The following PILRA variants were observed in gnomAD, a reference collection of about 807,000 sequenced individuals.
PILRA encodes the protein paired immunoglobin like type 2 receptor alpha, also known as paired immunoglobulin-like type 2 receptor alpha.
Under a neutral mutation model 33.1 loss-of-function variants are expected in PILRA, and 37 were observed. The observed-to-expected ratio is 1.12, with a 90% CI of 0.86 to 1.47. The LOEUF (loss-of-function observed/expected upper bound fraction) is 1.47, where lower values mean the gene tolerates loss of function less well. Ranked by LOEUF, PILRA falls within the 40% of genes most tolerant of loss-of-function variation. The pLI, the probability that PILRA is intolerant of heterozygous loss-of-function variation, is 0.00. For synonymous variants in PILRA, 146 were observed against 149.9 expected, an observed-to-expected ratio of 0.97 and a Z score of 0.19; for missense variants, 312 against 376.2, an observed-to-expected ratio of 0.83 and a Z score of 1.41.
At chr7:100,379,668 C>CAAAAAAAAAAAAAAAAAAA (rs57322009) in intron 2 of PILRA, among the ~76,000 whole-genome samples, 1 of 69,050 alleles carries the variant, frequency 1.4e-5, no homozygotes, top group African/African-American at 5.6e-5. Flanking sequence ...ACTCTGTCTC[C>CAAAAAAAAAAAAAAAAAAA]AAAAAAAAAA....
intron 2 of PILRA, among the ~76,000 whole-genome samples, chr7:100,377,909 G>A (rs937113703): frequency 1.3e-5 from 2 of 151,950 alleles, no homozygotes; most frequent in African/African-American, 4.8e-5. Flanking sequence ...AATTATTTTT[G>A]TAGAAAAGCA....
intron 2 of PILRA, among the ~76,000 whole-genome samples, chr7:100,381,444 C>CAAAAA (rs60123996): frequency 2.4e-5 from 2 of 82,074 alleles, no homozygotes; most frequent in African/African-American, 4.7e-5. Context: ...GATCCTGACT[C>CAAAAA]AAAAAAAAAA....
rs776317959 is a variant in PILRA, at chr7:100,373,633, C to T, written c.-24C>T. On this transcript the variant is annotated 5_prime_UTR_variant, in exon 1 of 7. Coordinates refer to ENST00000198536, the MANE Select transcript of PILRA (RefSeq NM_013439.3). The stretch of plus-strand genomic sequence containing the variant: ...GCCTGGACGGCTCTGCTGGTCTCCC[C>T]GTCCCCTGGAGAAGAACAAGGCCAT... The T allele has an allele frequency of 9.9e-6, 16 of 1,613,168 alleles. No homozygotes were observed. Among genetic ancestry groups the T allele is most frequent in the Middle Eastern group, 1.6e-4 (1 of 6,068 alleles).
At chr7:100,396,680 A>C (rs994399370) in intron 3 of PILRA, among the ~76,000 whole-genome samples, 2 of 152,232 alleles carry the variant, frequency 1.3e-5, no homozygotes, top group Middle Eastern at 3.4e-3. Context: ...AGAAATTCTG[A>C]CACATACTAC....
rs146795130 is a variant in PILRA, at chr7:100,391,544, G to A, written c.673+1438G>A. Among the ~76,000 whole-genome samples the A allele has an allele frequency of 4.6e-3, 695 of 152,192 alleles. 5 individuals are homozygous for A. The highest frequency in any genetic ancestry group is 0.016 in the African/African-American group (656 of 41,500). Reference sequence around the variant, plus strand: ...TCTACAGAAAATACAAAAATTAGCTGGGTGTGGTGGCGTGCGCCTGTGGTC... The same window carrying A: ...TCTACAGAAAATACAAAAATTAGCTAGGTGTGGTGGCGTGCGCCTGTGGTC... On this transcript the variant is annotated intron_variant, in intron 3 of 6. Transcript: ENST00000198536.
At chr7:100,383,435 TA>T (rs1217777806) in intron 2 of PILRA, among the ~76,000 whole-genome samples, 10 of 151,846 alleles carry the variant, frequency 6.6e-5, no homozygotes, top group African/African-American at 2.4e-4. Flanking sequence ...TGGTAGAACG[TA>T]ATGGGGAGGT....
At chr7:100,371,575 C>A (rs186941784), upstream of PILRA, among the ~76,000 whole-genome samples, 1 of 152,090 alleles carries the variant, frequency 6.6e-6, no homozygotes, top group South Asian at 2.1e-4. Flanking sequence ...TCTCATAATG[C>A]GGTGCAGGGT....
chr7:100,394,823 T>C (rs1009841906), intron 3 of PILRA, among the ~76,000 whole-genome samples: 3 of 152,046 alleles, frequency 2.0e-5, no homozygotes, highest in East Asian at 1.9e-4. Context: ...TTATACCATA[T>C]ACAAAATTTA....
chr7:100,372,253 G>A (rs1790832942), upstream of PILRA, among the ~76,000 whole-genome samples: 1 of 151,870 alleles, frequency 6.6e-6, no homozygotes, highest in Admixed American at 6.6e-5. Context: ...TCAGACGGAG[G>A]GGTTTCCTGA....
intron 3 of PILRA, among the ~76,000 whole-genome samples, chr7:100,393,758 C>T (rs147109033): frequency 9.2e-5 from 14 of 152,016 alleles, no homozygotes; most frequent in East Asian, 7.7e-4. Context: ...TAGCCCAAGA[C>T]GGCTGCAAGG....
intron 2 of PILRA, among the ~76,000 whole-genome samples, chr7:100,381,822 A>C (rs1791103545): frequency 6.6e-6 from 1 of 152,142 alleles, no homozygotes; most frequent in South Asian, 2.1e-4. Context: ...CCGCACTCGG[A>C]GTGGCCGGCC....
intron 3 of PILRA, among the ~76,000 whole-genome samples, chr7:100,396,124 AAAATAAATAAAT>A (rs376347557): frequency 6.6e-6 from 1 of 151,860 alleles, no homozygotes; most frequent in African/African-American, 2.4e-5. Context: ...ACTTCATCTC[AAAATAAATAAAT>A]AAATAAATAA....
At chr7:100,386,222 T>A (rs1022119866) in intron 2 of PILRA, among the ~76,000 whole-genome samples, 2 of 152,116 alleles carry the variant, frequency 1.3e-5, no homozygotes, top group African/African-American at 4.8e-5. Context: ...TTTAAAAAAA[T>A]TTTTTAGCTG....
At chr7:100,386,513 C>A (rs917712868) in intron 2 of PILRA, among the ~76,000 whole-genome samples, 19 of 151,106 alleles carry the variant, frequency 1.3e-4, no homozygotes, top group African/African-American at 3.2e-4. Flanking sequence ...AAAAAAAAAA[C>A]AAAACACAAA....
chr7:100,399,712 T>A, intron 6 of PILRA, 73 bp from the exon 7 acceptor site: 1 of 1,611,914 alleles, frequency 6.2e-7, no homozygotes, highest in Non-Finnish European at 8.5e-7. Context: ...AGAGTCAAAC[T>A]GTAGGCTTGC....
chr7:100,377,938 AT>A (rs1488247908), intron 2 of PILRA, among the ~76,000 whole-genome samples: 2 of 152,138 alleles, frequency 1.3e-5, no homozygotes. Context: ...TGGTCAGTCG[AT>A]TCTGTTTCAC....
At chr7:100,377,807 G>C (rs1339687070) in intron 2 of PILRA, among the ~76,000 whole-genome samples, 2 of 152,084 alleles carry the variant, frequency 1.3e-5, no homozygotes, top group East Asian at 3.9e-4. Context: ...CAACTAAATT[G>C]ATCTTTATAT....
At chr7:100,378,208 C>T (rs558727692) in intron 2 of PILRA, among the ~76,000 whole-genome samples, 1 of 151,696 alleles carries the variant, frequency 6.6e-6, no homozygotes, top group Non-Finnish European at 1.5e-5. Flanking sequence ...AAAAATTAGC[C>T]AGTTGTGGTA....
chr7:100,388,053 A>G (rs545473993), intron 2 of PILRA, among the ~76,000 whole-genome samples: 5 of 152,318 alleles, frequency 3.3e-5, no homozygotes, highest in African/African-American at 1.2e-4. Flanking sequence ...TTTAGCTTAG[A>G]GTGTTGCTTT....
Sources: allele counts gnomAD v4.1 joint callset (sites outside exome capture counted in the v4.1 genomes callset), GRCh38; gene constraint gnomAD v4.1.1; transcripts MANE v1.5; gene names NCBI Gene and HGNC (gene_info 2026-07-23, HGNC 2026-07-21).